The following SENP5 variants were observed in gnomAD, a reference collection of about 807,000 sequenced individuals.
SENP5 encodes the protein sentrin-specific protease 5.
Under a neutral mutation model 74.2 loss-of-function variants are expected in SENP5, and 21 were observed. That is an observed-to-expected ratio of 0.28 (90% CI 0.20 to 0.41). The LOEUF is 0.41. Ranked by LOEUF, SENP5 falls within the 10% of genes least tolerant of loss-of-function variation. The pLI is 1.00. For missense variants in SENP5, 717 were observed against 889.1 expected (o/e 0.81, Z 2.46); for synonymous variants, 311 against 312.7 (o/e 0.99, Z 0.06).
At chr3:196,897,140 C>G (rs1303822667) in intron 2 of SENP5, among the ~76,000 whole-genome samples, 1 of 152,128 alleles carries the variant, frequency 6.6e-6, no homozygotes, top group Admixed American at 6.6e-5. Context: ...ATTTGAGGAG[C>G]CTCAATCAAA....
At chr3:196,870,134 A>G (rs1258265092) in intron 1 of SENP5, among the ~76,000 whole-genome samples, 1 of 152,136 alleles carries the variant, frequency 6.6e-6, no homozygotes, top group Non-Finnish European at 1.5e-5. Flanking sequence ...GTCTTTGCGA[A>G]TTTTTAGTTC....
intron 1 of SENP5, among the ~76,000 whole-genome samples, chr3:196,876,945 T>C (rs1455320472): frequency 6.6e-6 from 1 of 152,160 alleles, no homozygotes. Context: ...TTACCGTATA[T>C]ACTTGTTGGG....
At chr3:196,927,728 A>G (rs1478892744) in intron 7 of SENP5, 68 bp from the exon 8 acceptor site, 1 of 877,224 alleles carries the variant, frequency 1.1e-6, no homozygotes. Context: ...TCTGTCTGCT[A>G]TGGGCATGTT....
chr3:196,904,188 T>C (rs1203018212), intron 6 of SENP5, among the ~76,000 whole-genome samples: 3 of 152,216 alleles, frequency 2.0e-5, no homozygotes, highest in Non-Finnish European at 4.4e-5. Flanking sequence ...TATGGAAACA[T>C]CAGAACACAG....
chr3:196,885,103 A>G (rs1713895006), intron 1 of SENP5, 48 bp from the exon 2 acceptor site: 1 of 1,152,972 alleles, frequency 8.7e-7, no homozygotes, highest in South Asian at 1.5e-5. Context: ...ATATGTCTTC[A>G]TGACCTTATT....
chr3:196,882,752 C>T (rs1324406567), intron 1 of SENP5, among the ~76,000 whole-genome samples: 1 of 152,160 alleles, frequency 6.6e-6, no homozygotes, highest in African/African-American at 2.4e-5. Flanking sequence ...GCTCTGCCCA[C>T]CTTGGCCTCC....
At chr3:196,899,811 AT>A in intron 3 of SENP5, 40 bp downstream of exon 3, 1 of 1,558,692 alleles carries the variant, frequency 6.4e-7, no homozygotes, top group Non-Finnish European at 8.8e-7. Flanking sequence ...TGAAAATAAA[AT>A]TTTTGGCATA....
At chr3:196,917,919 A>T (rs1465255105) in intron 6 of SENP5, among the ~76,000 whole-genome samples, 7 of 152,224 alleles carry the variant, frequency 4.6e-5, no homozygotes, top group Non-Finnish European at 1.0e-4. Flanking sequence ...GGCTTGACAC[A>T]CTAATTGCCG....
intron 7 of SENP5, 33 bp downstream of exon 7, chr3:196,923,584 T>G (rs1336123871): frequency 6.6e-7 from 1 of 1,504,364 alleles, no homozygotes; most frequent in South Asian, 1.2e-5. Context: ...TTTTCATTTA[T>G]TTTGTAATTG....
intron 9 of SENP5, 54 bp from the exon 10 acceptor site, chr3:196,930,758 CT>C: frequency 9.2e-7 from 1 of 1,090,788 alleles, no homozygotes; most frequent in Non-Finnish European, 1.4e-6. Flanking sequence ...ACAGAATGGG[CT>C]GGTCCACAAC....
intron 1 of SENP5, among the ~76,000 whole-genome samples, chr3:196,871,363 T>C (rs943302631): frequency 3.9e-5 from 6 of 152,016 alleles, no homozygotes; most frequent in Non-Finnish European, 8.8e-5. Context: ...CAAGTAGAGG[T>C]ACATGTGAAG....
intron 2 of SENP5, among the ~76,000 whole-genome samples, chr3:196,890,491 A>G (rs1374104924): frequency 6.6e-6 from 1 of 152,236 alleles, no homozygotes; most frequent in African/African-American, 2.4e-5. Flanking sequence ...TATGAGTGTA[A>G]GAAGAAAGCT....
intron 9 of SENP5, 81 bp downstream of exon 9, chr3:196,929,764 G>A: frequency 1.1e-6 from 1 of 927,126 alleles, no homozygotes; most frequent in South Asian, 1.3e-5. Flanking sequence ...GGCAGTTCCT[G>A]TATGTGTATA....
At chr3:196,868,502 G>A (rs1036950775) in intron 1 of SENP5, among the ~76,000 whole-genome samples, 1 of 152,242 alleles carries the variant, frequency 6.6e-6, no homozygotes, top group Non-Finnish European at 1.5e-5. Context: ...CTTTTCCAGA[G>A]AGCCCGGTTG....
intron 2 of SENP5, among the ~76,000 whole-genome samples, chr3:196,895,502 T>C (rs1189176806): frequency 4.0e-5 from 6 of 151,458 alleles, no homozygotes; most frequent in African/African-American, 1.2e-4. Context: ...TAACTTCTTT[T>C]TTTTAAAAAG....
At position 196,885,892 on chromosome 3, in the gene SENP5, C is replaced by T; in HGVS notation, c.711C>T (p.Ser237=). The T allele has an allele frequency of 1.2e-6, 2 of 1,613,544 alleles. No individual in the cohort carries two copies. The highest frequency in any genetic ancestry group is 2.2e-5 in the South Asian group (2 of 90,996). ...CTCTTATGATGTATGAGAAATTATCCATGATTAGATTTCGGTACAGGATTC... is the reference window on the plus strand; with the variant it reads ...CTCTTATGATGTATGAGAAATTATCTATGATTAGATTTCGGTACAGGATTC... ...LSPLMMYEKL[S]MIRFRYRILR... Residue 237 remains serine, a synonymous_variant, in exon 2 of 10, where the codon TCC becomes TCT. Transcript: ENST00000323460.
At position 196,931,058 on chromosome 3, in the gene SENP5, A is replaced by C. The variant is rs778846982; in HGVS notation, c.*135A>C. 1.6e-6 allele frequency: 1 copy of C among 627,750 alleles called. No homozygotes were observed. The highest frequency in any genetic ancestry group is 2.9e-6 in the Non-Finnish European group (1 of 346,762). 38.9% of individuals were successfully genotyped at this position (627,750 alleles called of 1,614,324 possible). A position where few individuals can be genotyped will look rare whatever the true frequency, so the allele number is the denominator to read the frequency against. On this transcript the variant is annotated 3_prime_UTR_variant, in exon 10 of 10. Coordinates refer to ENST00000323460, the MANE Select transcript of SENP5 (RefSeq NM_152699.5). ...GGGCCACTATTGTTACCTCAAATTT[A>C]TTTTTTGCCCTTATTCATTTCTCCA... is the stretch of plus-strand genomic sequence containing the variant.
At chr3:196,922,858 A>T (rs1000530075) in intron 6 of SENP5, among the ~76,000 whole-genome samples, 2 of 152,136 alleles carry the variant, frequency 1.3e-5, no homozygotes, top group Non-Finnish European at 2.9e-5. Context: ...CTTGAGCTCA[A>T]ACCATCTGTT....
chr3:196,900,339 G>T, intron 4 of SENP5, 26 bp from the exon 5 acceptor site: 1 of 1,589,716 alleles, frequency 6.3e-7, no homozygotes, highest in Non-Finnish European at 8.6e-7. Context: ...GAGATAGTAA[G>T]CTGGTTTTAT....
Sources: gnomAD v4.1 joint callset for allele counts (sites outside exome capture counted in the v4.1 genomes callset) on GRCh38, gnomAD v4.1.1 for gene constraint, MANE v1.5 for transcripts, NCBI Gene and HGNC (gene_info 2026-07-23, HGNC 2026-07-21) for gene names.